The following IFT70A variants were observed in gnomAD, a reference collection of about 807,000 sequenced individuals.
IFT70A encodes the protein intraflagellar transport 70A.
At chr2:177,617,691 G>A in the IFT70A span, 2 of 1,614,180 alleles carry the variant, frequency 1.2e-6, no homozygotes, top group South Asian at 2.2e-5. Context: ...CTGCTGCCAG[G>A]TCAAAATACT....
chr2:177,618,634 C>T, the IFT70A span: 243 of 1,609,308 alleles, frequency 1.5e-4, 1 homozygote, highest in Non-Finnish European at 1.2e-5. Context: ...GCGGGCATCG[C>T]GGATGAGCCG....
the IFT70A span, chr2:177,614,184 T>A: frequency 3.3e-5 from 5 of 152,202 alleles, no homozygotes; most frequent in Middle Eastern, 3.4e-3. Context: ...AAAGACTCAC[T>A]CCCCAAGAGA....
At chr2:177,614,451 A>G in the IFT70A span, 1 of 152,180 alleles carries the variant, frequency 6.6e-6, no homozygotes, top group Admixed American at 6.5e-5. Context: ...ACTTCACTCT[A>G]TTCTACAACT....
At chr2:177,618,680 G>A in the IFT70A span, 8 of 1,591,536 alleles carry the variant, frequency 5.0e-6, no homozygotes, top group South Asian at 4.6e-5. Context: ...TCGGGGATCT[G>A]CGCGCCGCTC....
At chr2:177,618,425 A>C in the IFT70A span, 8 of 1,611,494 alleles carry the variant, frequency 5.0e-6, no homozygotes, top group Non-Finnish European at 6.8e-6. Context: ...GGATAAAGGC[A>C]GGCCTTGTAC....
chr2:177,614,507 G>A, the IFT70A span: 1 of 151,922 alleles, frequency 6.6e-6, no homozygotes, highest in South Asian at 2.1e-4. Flanking sequence ...AATTTTTTCT[G>A]GCATTACCAA....
chr2:177,617,332 T>C, the IFT70A span: 5 of 1,592,396 alleles, frequency 3.1e-6, no homozygotes, highest in Middle Eastern at 1.7e-4. Context: ...CCACACATCA[T>C]GGTCGTTACA....
the IFT70A span, chr2:177,616,547 T>C: frequency 2.7e-5 from 17 of 626,244 alleles, no homozygotes; most frequent in Non-Finnish European, 3.3e-5. Flanking sequence ...CCTACCCTTC[T>C]GGATTAAATG....
At chr2:177,617,286 T>C in the IFT70A span, 7 of 1,575,430 alleles carry the variant, frequency 4.4e-6, no homozygotes, top group Non-Finnish European at 6.0e-6. Context: ...TGTATTTGTT[T>C]TCCTGCATGA....
chr2:177,613,827 G>C, the IFT70A span: 2 of 152,262 alleles, frequency 1.3e-5, no homozygotes, highest in South Asian at 4.1e-4. Flanking sequence ...CATTGATATT[G>C]ATGTGTTTTA....
At chr2:177,618,092 A>G in the IFT70A span, 1 of 1,614,224 alleles carries the variant, frequency 6.2e-7, no homozygotes, top group African/African-American at 1.3e-5. Context: ...GCTGAGGCAT[A>G]CTGTCGGCTG....
At chr2:177,614,976 G>T in the IFT70A span, 2 of 152,320 alleles carry the variant, frequency 1.3e-5, no homozygotes, top group South Asian at 2.1e-4. Context: ...GAGGACTGAT[G>T]ATTTGATTTG....
the IFT70A span, chr2:177,616,863 GAC>G: frequency 6.3e-7 from 1 of 1,594,792 alleles, no homozygotes; most frequent in Non-Finnish European, 8.5e-7. Flanking sequence ...CTAAAAACTG[GAC>G]ACATTCTTGA....
the IFT70A span, chr2:177,617,799 C>A: frequency 6.2e-7 from 1 of 1,614,136 alleles, no homozygotes; most frequent in Non-Finnish European, 8.5e-7. Flanking sequence ...CTTCTGTAGG[C>A]CTGGCATCCA....
At chr2:177,618,169 G>A in the IFT70A span, 7 of 1,614,106 alleles carry the variant, frequency 4.3e-6, no homozygotes, top group South Asian at 1.1e-5. Context: ...CAGTGTGGCA[G>A]AAAACTTGGA....
the IFT70A span, chr2:177,618,611 C>T: frequency 1.9e-5 from 31 of 1,608,288 alleles, no homozygotes; most frequent in Non-Finnish European, 2.5e-5. Context: ...AGCAGCTGCA[C>T]CGCCTCGGCG....
chr2:177,616,570 A>G, the IFT70A span: 1 of 841,252 alleles, frequency 1.2e-6, no homozygotes, highest in Non-Finnish European at 1.7e-6. Context: ...AAAGTTGCTC[A>G]AACATAAACT....
the IFT70A span, chr2:177,618,567 A>G: frequency 8.6e-5 from 138 of 1,599,354 alleles, no homozygotes; most frequent in African/African-American, 1.4e-3. Flanking sequence ...ACAGGCCGGC[A>G]CGGCTCCTGG....
chr2:177,617,929 G>T, the IFT70A span: 4 of 1,614,042 alleles, frequency 2.5e-6, no homozygotes, highest in Middle Eastern at 1.6e-4. Context: ...TTCTATGGCT[G>T]CCTTAAGGTT....
Sources: allele counts gnomAD v4.1 joint callset, GRCh38; gene constraint gnomAD v4.1.1; transcripts MANE v1.5; gene names NCBI Gene and HGNC (gene_info 2026-07-23, HGNC 2026-07-21).